Variants in NELL1 observed in about 807,000 individuals in gnomAD.
The protein encoded by NELL1 is neural EGFL like 1.
NELL1 carries 76 observed loss-of-function variants against 107.4 expected under a neutral mutation model. That is an observed-to-expected ratio of 0.71 (90% CI 0.59 to 0.86). The LOEUF (loss-of-function observed/expected upper bound fraction) is 0.86. Ranked by LOEUF, NELL1 falls within the 40% of genes least tolerant of loss-of-function variation. NELL1 has a pLI of 0.00. For synonymous variants in NELL1, 353 were observed against 341.2 expected (o/e 1.03, Z -0.38); for missense variants, 1,024 against 1,005.5 (o/e 1.02, Z -0.25).
chr11:20,851,838 A>G (rs1848800547), intron 4 of NELL1, among the ~76,000 whole-genome samples: 1 of 152,182 alleles, frequency 6.6e-6, no homozygotes. Flanking sequence ...AGCCCCTCAC[A>G]GTGATTGGGC....
chr11:20,791,262 TTTTG>T (rs1292021468), intron 3 of NELL1, among the ~76,000 whole-genome samples: 1 of 152,194 alleles, frequency 6.6e-6, no homozygotes, highest in Non-Finnish European at 1.5e-5. Flanking sequence ...TTTCAATTTT[TTTTG>T]TTTGTTTTCA....
At chr11:21,455,920 G>T (rs560463015) in intron 15 of NELL1, among the ~76,000 whole-genome samples, 3 of 146,762 alleles carry the variant, frequency 2.0e-5, no homozygotes, top group Non-Finnish European at 3.0e-5. Context: ...GTGGAGTCTC[G>T]CTTTGTCGCC....
At chr11:21,088,702 C>G (rs1304487036) in intron 12 of NELL1, among the ~76,000 whole-genome samples, 1 of 152,106 alleles carries the variant, frequency 6.6e-6, no homozygotes, top group Non-Finnish European at 1.5e-5. Flanking sequence ...CTATTCATAC[C>G]TCACGTCTAA....
chr11:21,493,002 A>G (rs1279839420), intron 15 of NELL1, among the ~76,000 whole-genome samples: 9 of 152,156 alleles, frequency 5.9e-5, no homozygotes. Flanking sequence ...ATCACTAAGC[A>G]TCATGAAATG....
chr11:21,316,887 A>C (rs1169102669), intron 14 of NELL1, among the ~76,000 whole-genome samples: 1 of 152,104 alleles, frequency 6.6e-6, no homozygotes, highest in Non-Finnish European at 1.5e-5. Context: ...GACTATAATG[A>C]AAACGATTCA....
intron 15 of NELL1, among the ~76,000 whole-genome samples, chr11:21,442,411 C>A (rs1320708635): frequency 1.3e-5 from 2 of 152,108 alleles, no homozygotes; most frequent in African/African-American, 2.4e-5. Flanking sequence ...CACCACCTGG[C>A]ACTGCAAATT....
At chr11:20,915,717 A>ATTTTT (rs67447563) in intron 5 of NELL1, among the ~76,000 whole-genome samples, 1 of 58,220 alleles carries the variant, frequency 1.7e-5, no homozygotes, top group Non-Finnish European at 2.9e-5. Flanking sequence ...ATATATATAT[A>ATTTTT]TTTTTTTTTT....
At chr11:20,834,897 A>G (rs1370967779) in intron 3 of NELL1, among the ~76,000 whole-genome samples, 1 of 152,162 alleles carries the variant, frequency 6.6e-6, no homozygotes, top group Non-Finnish European at 1.5e-5. Context: ...CAGTCCTAAC[A>G]TAAAATGGTT....
At chr11:21,543,821 A>G (rs1856357758) in intron 16 of NELL1, among the ~76,000 whole-genome samples, 1 of 152,050 alleles carries the variant, frequency 6.6e-6, no homozygotes, top group Admixed American at 6.6e-5. Context: ...GCATTACACT[A>G]GACTCGGGCA....
chr11:21,130,015 T>G (rs994918740), intron 13 of NELL1, among the ~76,000 whole-genome samples: 2 of 152,186 alleles, frequency 1.3e-5, no homozygotes, highest in Non-Finnish European at 2.9e-5. Context: ...GCAAATGCAG[T>G]AGGTCTAATT....
At chr11:20,675,556 G>C (rs1854034026) in intron 1 of NELL1, among the ~76,000 whole-genome samples, 1 of 152,084 alleles carries the variant, frequency 6.6e-6, no homozygotes, top group Non-Finnish European at 1.5e-5. Context: ...TCTTGCGTCT[G>C]GTGAAGGGCA....
intron 12 of NELL1, among the ~76,000 whole-genome samples, chr11:20,968,464 G>T (rs983234268): frequency 2.0e-5 from 3 of 152,128 alleles, no homozygotes; most frequent in Non-Finnish European, 4.4e-5. Flanking sequence ...TTAAAGTGCA[G>T]AGTCTGTAGG....
At chr11:21,126,718 C>T (rs2133750760) in intron 13 of NELL1, among the ~76,000 whole-genome samples, 1 of 152,272 alleles carries the variant, frequency 6.6e-6, no homozygotes. Context: ...AACAGGGCAC[C>T]TTAAGATACA....
At chr11:20,839,879 C>CTGTA (rs1413549402) in intron 3 of NELL1, among the ~76,000 whole-genome samples, 1 of 152,192 alleles carries the variant, frequency 6.6e-6, no homozygotes, top group Admixed American at 6.5e-5. Context: ...TCAAATAGCT[C>CTGTA]TGTAGCCTTA....
intron 14 of NELL1, among the ~76,000 whole-genome samples, chr11:21,306,185 G>T (rs551348198): frequency 3.3e-5 from 5 of 151,798 alleles, no homozygotes; most frequent in African/African-American, 1.2e-4. Flanking sequence ...AGAATTCTAC[G>T]TACACAAAAA....
chr11:20,852,685 T>G (rs1284789234), intron 4 of NELL1, among the ~76,000 whole-genome samples: 1 of 152,234 alleles, frequency 6.6e-6, no homozygotes, highest in Non-Finnish European at 1.5e-5. Flanking sequence ...GCTGAGACTC[T>G]CAATCTCCTG....
intron 2 of NELL1, among the ~76,000 whole-genome samples, chr11:20,725,301 T>G (rs1157547270): frequency 1.3e-5 from 2 of 152,236 alleles, no homozygotes; most frequent in African/African-American, 4.8e-5. Flanking sequence ...CCAGGTTGCA[T>G]GTGCCTGGAT....
At chr11:21,548,857 T>G (rs1856507081) in intron 16 of NELL1, among the ~76,000 whole-genome samples, 1 of 151,056 alleles carries the variant, frequency 6.6e-6, no homozygotes, top group Non-Finnish European at 1.5e-5. Context: ...TGACCCTTTG[T>G]TACTCTTTCT....
chr11:21,443,877 A>AAG (rs398115128), intron 15 of NELL1, among the ~76,000 whole-genome samples: 27 of 151,752 alleles, frequency 1.8e-4, no homozygotes, highest in Admixed American at 5.9e-4. Flanking sequence ...GAAAAAAAAA[A>AAG]GAAAAGTAGG....
Sources: allele counts gnomAD v4.1 joint callset (sites outside exome capture counted in the v4.1 genomes callset), GRCh38; gene constraint gnomAD v4.1.1; transcripts MANE v1.5; gene names NCBI Gene and HGNC (gene_info 2026-07-23, HGNC 2026-07-21).